Variants in SPOCK1 observed in about 807,000 individuals in gnomAD.
The protein encoded by SPOCK1 is SPARC (osteonectin), cwcv and kazal like domains proteoglycan 1, also known as testican-1.
Under a neutral mutation model 55.3 loss-of-function variants are expected in SPOCK1, and 23 were observed. That is an observed-to-expected ratio of 0.42 (90% CI 0.30 to 0.59). The LOEUF is 0.59. Ranked by LOEUF, SPOCK1 falls within the 20% of genes least tolerant of loss-of-function variation. SPOCK1 has a pLI of 0.22. For missense variants in SPOCK1, 499 were observed against 552.5 expected (o/e 0.90, Z 0.97); for synonymous variants, 226 against 221.0 (o/e 1.02, Z -0.20).
At chr5:137,318,932 G>T (rs1757932867) in intron 2 of SPOCK1, among the ~76,000 whole-genome samples, 1 of 152,172 alleles carries the variant, frequency 6.6e-6, no homozygotes, top group Non-Finnish European at 1.5e-5. Context: ...TTCATTCACA[G>T]ACTTGCTCAG....
At position 137,450,506 on chromosome 5, in the gene SPOCK1, C is replaced by T. The variant is rs146981613; in HGVS notation, c.186+47867G>A. 5.4e-4 allele frequency among the ~76,000 whole-genome samples: 82 copies of T among 152,302 alleles called. 1 individual carries two copies. The highest frequency in any genetic ancestry group is 1.9e-3 in the African/African-American group (77 of 41,564). On this transcript the variant is annotated intron_variant, in intron 2 of 10. Coordinates refer to ENST00000394945, the MANE Select transcript of SPOCK1 (RefSeq NM_004598.4). ...GCACCTCCAGCTCAATCAGGGCTGA[C>T]TTCATGGGTGTGTGACCTGCGCATT...
At chr5:137,046,175 T>G (rs1209894317) in intron 6 of SPOCK1, among the ~76,000 whole-genome samples, 2 of 95,650 alleles carry the variant, frequency 2.1e-5, no homozygotes, top group African/African-American at 7.7e-5. Flanking sequence ...TTTCCAATTC[T>G]GTGAAGAAAG....
At chr5:137,217,418 G>C (rs1755739080) in intron 3 of SPOCK1, among the ~76,000 whole-genome samples, 1 of 152,120 alleles carries the variant, frequency 6.6e-6, no homozygotes, top group African/African-American at 2.4e-5. Context: ...CCTCCACCCA[G>C]GGACACTGGA....
chr5:137,014,011 T>C (rs1412808472), intron 6 of SPOCK1, among the ~76,000 whole-genome samples: 2 of 152,156 alleles, frequency 1.3e-5, no homozygotes, highest in African/African-American at 4.8e-5. Context: ...CAAATCTATG[T>C]TGAATTGCAA....
intron 3 of SPOCK1, among the ~76,000 whole-genome samples, chr5:137,175,553 T>C (rs1754838081): frequency 6.6e-6 from 1 of 152,230 alleles, no homozygotes; most frequent in African/African-American, 2.4e-5. Flanking sequence ...TCAATATAGC[T>C]TACTAGTTAA....
chr5:137,176,561 T>C (rs925762994), intron 3 of SPOCK1, among the ~76,000 whole-genome samples: 3 of 151,934 alleles, frequency 2.0e-5, no homozygotes, highest in Admixed American at 1.3e-4. Context: ...CGTATGTATA[T>C]TTACCTTACT....
intron 3 of SPOCK1, among the ~76,000 whole-genome samples, chr5:137,237,084 T>C (rs1051594729): frequency 9.2e-5 from 14 of 152,212 alleles, no homozygotes; most frequent in African/African-American, 3.1e-4. Flanking sequence ...CTGCCTTTTG[T>C]AAATCAGCGA....
intron 6 of SPOCK1, among the ~76,000 whole-genome samples, chr5:136,995,972 A>G (rs545481860): frequency 6.6e-6 from 1 of 152,318 alleles, no homozygotes; most frequent in East Asian, 1.9e-4. Context: ...GTATGAGAAG[A>G]AAGTCAGGCA....
chr5:137,014,166 CT>C lies in SPOCK1; in HGVS notation c.590-21567del, dbSNP rs566393903. On this transcript the variant is annotated intron_variant, in intron 6 of 10. Coordinates refer to ENST00000394945, the MANE Select transcript of SPOCK1 (RefSeq NM_004598.4). ...TGTGGCACCTCTCTTCTTCCTCCCC[CT>C]ATGCCCCCACTTCTCTTGCTTTGTT... Among the ~76,000 whole-genome samples, 427 of 152,240 alleles carry C rather than the reference CT, an allele frequency of 2.8e-3. 1 individual carries two copies. Among genetic ancestry groups the C allele is most frequent in the Middle Eastern group, 0.024 (7 of 294 alleles).
chr5:137,381,072 T>C (rs1266952180), intron 2 of SPOCK1, among the ~76,000 whole-genome samples: 2 of 151,270 alleles, frequency 1.3e-5, no homozygotes, highest in Non-Finnish European at 2.9e-5. Context: ...ATGGGAGAAA[T>C]TGGCCAAAAA....
At chr5:137,219,513 T>C (rs1755804781) in intron 3 of SPOCK1, among the ~76,000 whole-genome samples, 1 of 152,234 alleles carries the variant, frequency 6.6e-6, no homozygotes, top group Non-Finnish European at 1.5e-5. Context: ...TCTGAATTCA[T>C]GAAGGTAAAA....
intron 3 of SPOCK1, among the ~76,000 whole-genome samples, chr5:137,219,793 A>G (rs546236159): frequency 6.6e-6 from 1 of 152,302 alleles, no homozygotes; most frequent in East Asian, 1.9e-4. Flanking sequence ...CCCCTAGTCT[A>G]CTTCACTGAA....
chr5:137,432,100 C>T (rs536075346), intron 2 of SPOCK1, among the ~76,000 whole-genome samples: 2 of 152,076 alleles, frequency 1.3e-5, no homozygotes, highest in South Asian at 4.1e-4. Context: ...AAAAACGAAC[C>T]CAGAAAATAA....
chr5:137,109,807 TC>T (rs1221309269), intron 5 of SPOCK1, among the ~76,000 whole-genome samples: 1 of 152,198 alleles, frequency 6.6e-6, no homozygotes, highest in African/African-American at 2.4e-5. Context: ...AGAGACACCT[TC>T]CCGGATCACC....
At chr5:137,109,890 G>A (rs1190935297) in intron 5 of SPOCK1, among the ~76,000 whole-genome samples, 1 of 152,122 alleles carries the variant, frequency 6.6e-6, no homozygotes, top group Non-Finnish European at 1.5e-5. Context: ...ACTAAAATTT[G>A]AAATTACATA....
At position 137,496,856 on chromosome 5, in the gene SPOCK1, T is replaced by C. The variant is rs575157510; in HGVS notation, c.186+1517A>G. On this transcript the variant is annotated intron_variant, in intron 2 of 10. Coordinates refer to ENST00000394945, the MANE Select transcript of SPOCK1 (RefSeq NM_004598.4). ...CTGCAAAAGACCCTAGTAGTTATTATGTATCAATTAAAAATTTTAATGAAA... is the reference window on the plus strand; with the variant it reads ...CTGCAAAAGACCCTAGTAGTTATTACGTATCAATTAAAAATTTTAATGAAA... 3.9e-5 allele frequency among the ~76,000 whole-genome samples: 6 copies of C among 152,324 alleles called. No homozygotes were observed. In the South Asian group the frequency reaches 1.0e-3, roughly 26 times the overall value.
chr5:137,220,921 G>A (rs2127087524), intron 3 of SPOCK1, among the ~76,000 whole-genome samples: 1 of 152,258 alleles, frequency 6.6e-6, no homozygotes, highest in African/African-American at 2.4e-5. Context: ...TAAGATGTGT[G>A]ACTTTATATC....
At chr5:137,358,476 AGG>A (rs1750869515) in intron 2 of SPOCK1, among the ~76,000 whole-genome samples, 35 of 30,714 alleles carry the variant, frequency 1.1e-3, no homozygotes, top group Admixed American at 6.6e-3. Context: ...AGGGGAGGGG[AGG>A]GGAGGATGGA....
chr5:137,492,759 C>T (rs1436555035), intron 2 of SPOCK1, among the ~76,000 whole-genome samples: 1 of 152,202 alleles, frequency 6.6e-6, no homozygotes, highest in African/African-American at 2.4e-5. Context: ...CCAGACTGCT[C>T]AGTTGCTTGG....
Sources: allele counts gnomAD v4.1 joint callset (sites outside exome capture counted in the v4.1 genomes callset), GRCh38; gene constraint gnomAD v4.1.1; transcripts MANE v1.5; gene names NCBI Gene and HGNC (gene_info 2026-07-23, HGNC 2026-07-21).